Variants in PIAS2 observed in about 807,000 individuals in gnomAD.
The protein encoded by PIAS2 is protein inhibitor of activated STAT 2, also known as E3 SUMO-protein ligase PIAS2.
Under a neutral mutation model 69.7 loss-of-function variants are expected in PIAS2, and 19 were observed. The ratio of observed to expected loss-of-function variants is 0.27; its 90% CI spans 0.19 to 0.40. PIAS2 has a LOEUF of 0.40. PIAS2 is among the 10% of genes least tolerant of loss of function. The pLI is 1.00. For synonymous variants in PIAS2, 261 were observed against 263.2 expected (o/e 0.99, Z 0.08); for missense variants, 624 against 757.0 (o/e 0.82, Z 2.06).
chr18:46,890,207 T>A (rs1426844628), intron 2 of PIAS2, among the ~76,000 whole-genome samples: 1 of 152,184 alleles, frequency 6.6e-6, no homozygotes, highest in African/African-American at 2.4e-5. Context: ...GGAAGGCTAT[T>A]GTTTAATGGG....
chr18:46,805,524 A>C lies in PIAS2; in HGVS notation c.*6909T>G, dbSNP rs2040644923. 6.6e-6 allele frequency: 1 copy of C among 152,136 alleles called. No individual in the cohort carries two copies. Among genetic ancestry groups the C allele is most frequent in the South Asian group, 2.1e-4 (1 of 4,822 alleles). 9.4% of individuals were successfully genotyped at this position (152,136 alleles called of 1,614,324 possible). A position where few individuals can be genotyped will look rare whatever the true frequency, so the allele number is the denominator to read the frequency against. On this transcript the variant is annotated 3_prime_UTR_variant, in exon 14 of 14. Coordinates refer to ENST00000585916, the MANE Select transcript of PIAS2 (RefSeq NM_004671.5). ...CTTCAGAGGCAGAGATTTTTTAGAG[A>C]CGTGTAACGATGCAGTAGGGGGGAA... is the stretch of plus-strand genomic sequence containing the variant.
intron 5 of PIAS2, among the ~76,000 whole-genome samples, chr18:46,852,282 C>G (rs115659546): frequency 6.6e-6 from 1 of 152,158 alleles, no homozygotes; most frequent in Non-Finnish European, 1.5e-5. Context: ...TAGGACTTTA[C>G]GGAGCTAGGG....
intron 2 of PIAS2, among the ~76,000 whole-genome samples, chr18:46,874,888 G>A (rs996839076): frequency 1.3e-5 from 2 of 152,132 alleles, no homozygotes; most frequent in Non-Finnish European, 2.9e-5. Flanking sequence ...AGCTTGGGAA[G>A]GACCCTATCT....
At chr18:46,869,702 A>T (rs538536823) in intron 2 of PIAS2, among the ~76,000 whole-genome samples, 1 of 152,330 alleles carries the variant, frequency 6.6e-6, no homozygotes, top group South Asian at 2.1e-4. Flanking sequence ...CATAATAAAA[A>T]ACAACAAATG....
chr18:46,805,660 A>T lies in PIAS2; in HGVS notation c.*6773T>A, dbSNP rs2040652117. The T allele has an allele frequency of 6.6e-6, 1 of 152,394 alleles. No individual in the cohort carries two copies. The allele number at this position is 152,394 out of a possible 1,614,324, so 9.4% of individuals were successfully genotyped here. ...GTGGCAGCCAAATTTGTAATGGGCA[A>T]GGCAGTGAAGAGAAAAATCAAAAGA... On this transcript the variant is annotated 3_prime_UTR_variant, in exon 14 of 14. Transcript: ENST00000585916.
intron 13 of PIAS2, among the ~76,000 whole-genome samples, chr18:46,813,084 G>C (rs1287025825): frequency 6.6e-6 from 1 of 152,104 alleles, no homozygotes; most frequent in African/African-American, 2.4e-5. Flanking sequence ...TGAATGTTAA[G>C]GCTGACCAGC....
chr18:46,854,905 C>T (rs2047515700), intron 5 of PIAS2, among the ~76,000 whole-genome samples: 2 of 152,198 alleles, frequency 1.3e-5, no homozygotes, highest in South Asian at 4.2e-4. Context: ...CAAGTCCTCC[C>T]CTTCAACTAT....
intron 1 of PIAS2, among the ~76,000 whole-genome samples, chr18:46,916,048 A>G (rs974541631): frequency 5.3e-5 from 8 of 152,214 alleles, no homozygotes; most frequent in African/African-American, 1.9e-4. Flanking sequence ...ACCTACACTT[A>G]TGGTTCTCTG....
intron 9 of PIAS2, among the ~76,000 whole-genome samples, chr18:46,835,872 T>C (rs1209355352): frequency 6.6e-6 from 1 of 152,232 alleles, no homozygotes; most frequent in African/African-American, 2.4e-5. Context: ...TTAGTTCATG[T>C]CATTTTCCAA....
chr18:46,875,940 G>C (rs945858353), intron 2 of PIAS2, among the ~76,000 whole-genome samples: 2 of 152,128 alleles, frequency 1.3e-5, no homozygotes, highest in Non-Finnish European at 1.5e-5. Context: ...CCTGAAGTTC[G>C]GCACCCTATG....
intron 1 of PIAS2, chr18:46,916,932 T>C: frequency 1.0e-6 from 1 of 985,488 alleles, no homozygotes; most frequent in Non-Finnish European, 1.2e-6. Context: ...TGCAGACTTG[T>C]GAATAGCCAC....
Position 46,812,456 on chromosome 18 carries a change from G to A in PIAS2, c.1843C>T (p.Pro615Ser), listed in dbSNP as rs1380297928. 1.9e-6 allele frequency: 3 copies of A among 1,611,082 alleles called. No homozygotes were observed. Among genetic ancestry groups the A allele is most frequent in the Admixed American group, 1.7e-5 (1 of 59,808 alleles). Residue 615 changes from proline (P) to serine (S), a missense_variant, in exon 14 of 14, where the codon CCT becomes TCT. Around this residue, in one of 3 missense-constraint regions of PIAS2, gnomAD observed 241 missense variants for 257.3 expected, o/e 0.94. Coordinates refer to ENST00000585916, the MANE Select transcript of PIAS2 (RefSeq NM_004671.5). ...CTTTAGTCCAATGAGATGATGTCAGGAATGTTACTTCCACTGCTGGTTATG... is the reference window on the plus strand; with the variant it reads ...CTTTAGTCCAATGAGATGATGTCAGAAATGTTACTTCCACTGCTGGTTATG... ...GVITSSGSNI[P>S]DIISLD
At chr18:46,848,918 T>A (rs1599702226) in intron 5 of PIAS2, among the ~76,000 whole-genome samples, 1 of 151,432 alleles carries the variant, frequency 6.6e-6, no homozygotes, top group Admixed American at 6.6e-5. Flanking sequence ...GCTGATTCAA[T>A]GAGCATCAAG....
chr18:46,886,835 C>G (rs867838231), intron 2 of PIAS2, among the ~76,000 whole-genome samples: 4 of 149,772 alleles, frequency 2.7e-5, no homozygotes, highest in Non-Finnish European at 1.5e-5. Flanking sequence ...AAGACTCTGT[C>G]CCCCCCCTCC....
intron 11 of PIAS2, among the ~76,000 whole-genome samples, chr18:46,825,788 A>C (rs1190016753): frequency 6.6e-6 from 1 of 152,246 alleles, no homozygotes; most frequent in Non-Finnish European, 1.5e-5. Flanking sequence ...TTTCTATCAG[A>C]AATGGCAATT....
Position 46,855,385 on chromosome 18 carries a change from C to A in PIAS2, c.686G>T (p.Ser229Ile). ...CTTCCCATTTACTTTTATACATAGA[C>A]TATTTGGATAGTTATCTTCTTGAGG... ...SCPQEDNYPN[S>I]LCIKVNGKLF... Residue 229 changes from serine (S) to isoleucine (I), a missense_variant, in exon 5 of 14, where the codon AGT becomes ATT. Around this residue, in one of 3 missense-constraint regions of PIAS2, gnomAD observed 339 missense variants for 408.8 expected, o/e 0.83. Transcript: ENST00000585916. 1 of 1,612,794 alleles carries A rather than the reference C, an allele frequency of 6.2e-7. No individual in the cohort carries two copies. Among genetic ancestry groups the A allele is most frequent in the African/African-American group, 1.3e-5 (1 of 74,936 alleles).
intron 11 of PIAS2, among the ~76,000 whole-genome samples, chr18:46,823,388 G>C: frequency 6.6e-6 from 1 of 151,198 alleles, no homozygotes; most frequent in African/African-American, 2.4e-5. Flanking sequence ...CTTTTGTTTT[G>C]ATCCTGATTG....
intron 2 of PIAS2, among the ~76,000 whole-genome samples, chr18:46,888,520 T>C (rs2145954967): frequency 6.6e-6 from 1 of 152,294 alleles, no homozygotes. Flanking sequence ...TAATCAAAAC[T>C]GTGATACTGG....
chr18:46,841,328 C>T (rs2045355378), intron 8 of PIAS2, among the ~76,000 whole-genome samples: 1 of 152,144 alleles, frequency 6.6e-6, no homozygotes, highest in Non-Finnish European at 1.5e-5. Context: ...CCTACACTAT[C>T]ATTTTCTCTT....
Sources: gnomAD v4.1 joint callset for allele counts (sites outside exome capture counted in the v4.1 genomes callset) on GRCh38, gnomAD v4.1.1 for gene constraint, gnomAD v4.1.1 regional missense constraint, MANE v1.5 for transcripts, NCBI Gene and HGNC (gene_info 2026-07-23, HGNC 2026-07-21) for gene names.